The following CDK6 variants were observed in gnomAD, a reference collection of about 807,000 sequenced individuals.
CDK6 encodes cyclin-dependent kinase 6.
A neutral mutation model predicts 37.1 loss-of-function variants in CDK6; 6 were observed. The observed-to-expected ratio is 0.16, with a 90% CI of 0.09 to 0.32. CDK6 has a LOEUF of 0.32. CDK6 is among the 10% of genes least tolerant of loss of function. The pLI, the probability that CDK6 is intolerant of heterozygous loss-of-function variation, is 1.00. For missense variants in CDK6, 224 were observed against 418.9 expected, an observed-to-expected ratio of 0.53 and a Z score of 4.06; for synonymous variants, 160 against 161.3, an observed-to-expected ratio of 0.99 and a Z score of 0.06.
chr7:92,633,611 TAACA>T (rs1456137649), intron 5 of CDK6, among the ~76,000 whole-genome samples: 1 of 149,388 alleles, frequency 6.7e-6, no homozygotes, highest in African/African-American at 2.5e-5. Flanking sequence ...TAAAGCTGGT[TAACA>T]AAGCTAGCCT....
chr7:92,759,338 G>T (rs1427722929), intron 3 of CDK6, among the ~76,000 whole-genome samples: 1 of 152,100 alleles, frequency 6.6e-6, no homozygotes, highest in Non-Finnish European at 1.5e-5. Context: ...AGTGGTTTCT[G>T]TCTTAGTGAA....
intron 4 of CDK6, among the ~76,000 whole-genome samples, chr7:92,677,174 T>C (rs1258210823): frequency 2.0e-5 from 3 of 152,238 alleles, no homozygotes; most frequent in Non-Finnish European, 4.4e-5. Flanking sequence ...TATTTTAAAC[T>C]ATCAACATCT....
At chr7:92,696,175 G>GAA (rs1797714181) in intron 4 of CDK6, among the ~76,000 whole-genome samples, 2 of 152,342 alleles carry the variant, frequency 1.3e-5, no homozygotes, top group South Asian at 4.1e-4. Flanking sequence ...AATTTATGCA[G>GAA]AAATGCTCTT....
intron 4 of CDK6, among the ~76,000 whole-genome samples, chr7:92,721,382 G>T (rs749151151): frequency 1.3e-5 from 2 of 152,154 alleles, no homozygotes; most frequent in Non-Finnish European, 2.9e-5. Context: ...ACCCTGGGTT[G>T]TGTGCTCCAT....
intron 3 of CDK6, among the ~76,000 whole-genome samples, chr7:92,757,529 C>T (rs1462975047): frequency 6.6e-6 from 1 of 152,020 alleles, no homozygotes; most frequent in African/African-American, 2.4e-5. Context: ...GTATATGTAC[C>T]ACATTTTCTT....
intron 5 of CDK6, among the ~76,000 whole-genome samples, chr7:92,659,963 A>G (rs1796799948): frequency 6.6e-6 from 1 of 152,184 alleles, no homozygotes; most frequent in South Asian, 2.1e-4. Context: ...AAGGGCCGAG[A>G]AATCTCTGGA....
chr7:92,710,818 C>T (rs1033777434), intron 4 of CDK6: 6 of 985,250 alleles, frequency 6.1e-6, no homozygotes, highest in African/African-American at 3.5e-5. Flanking sequence ...AGAGGAGACC[C>T]GGGCAGACGG....
At chr7:92,827,691 C>T (rs1398777154) in intron 2 of CDK6, among the ~76,000 whole-genome samples, 2 of 152,156 alleles carry the variant, frequency 1.3e-5, no homozygotes, top group African/African-American at 4.8e-5. Flanking sequence ...GTTTTCAGTG[C>T]TGCCTCCTGG....
chr7:92,728,544 TTAG>T (rs1454180939), intron 3 of CDK6, among the ~76,000 whole-genome samples: 1 of 152,210 alleles, frequency 6.6e-6, no homozygotes, highest in East Asian at 1.9e-4. Flanking sequence ...TTATTCAGTT[TTAG>T]TTGTGTTACT....
In CDK6 at chr7:92,613,017, A is replaced by G. The variant is rs1795596556; in HGVS notation, c.*2123T>C. ...GCTGTGGATTCATTATATCTCAAGC[A>G]TTTATAGTACTGACAACACCTAATC... is the stretch of plus-strand genomic sequence containing the variant. On this transcript the variant is annotated 3_prime_UTR_variant, in exon 8 of 8. Coordinates refer to ENST00000424848, the MANE Select transcript of CDK6 (RefSeq NM_001145306.2). The G allele has an allele frequency of 4.3e-6, 1 of 233,154 alleles. No individual in the cohort carries two copies. The highest frequency in any genetic ancestry group is 6.1e-5 in the East Asian group (1 of 16,528). The allele number at this position is 233,154 out of a possible 1,614,324, so 14.4% of individuals were successfully genotyped here. A position where few individuals can be genotyped will look rare whatever the true frequency, so the allele number is the denominator to read the frequency against.
At chr7:92,718,658 G>T (rs1205315481) in intron 4 of CDK6, among the ~76,000 whole-genome samples, 2 of 152,132 alleles carry the variant, frequency 1.3e-5, no homozygotes, top group African/African-American at 4.8e-5. Context: ...ATCCAGGCGC[G>T]TTCAACAGGA....
intron 2 of CDK6, among the ~76,000 whole-genome samples, chr7:92,787,632 G>A (rs547909442): frequency 6.6e-6 from 1 of 152,202 alleles, no homozygotes; most frequent in South Asian, 2.1e-4. Flanking sequence ...CCGCATTAAA[G>A]TATGTGCTTT....
intron 3 of CDK6, among the ~76,000 whole-genome samples, chr7:92,773,565 AC>A (rs1231542327): frequency 6.6e-6 from 1 of 152,202 alleles, no homozygotes; most frequent in African/African-American, 2.4e-5. Context: ...GGGTGCACAG[AC>A]AGAAGATGGC....
Position 92,833,767 on chromosome 7 carries a change from T to G in CDK6, c.-367-77A>C. On this transcript the variant is annotated intron_variant, in intron 1 of 7. Coordinates refer to ENST00000424848, the MANE Select transcript of CDK6 (RefSeq NM_001145306.2). The surrounding 1 kb of genome is among the most constrained non-coding windows in gnomAD (Gnocchi z 6.1). ...AGCCTTCCTCGGGGTTCCTCCAGACTCCCCTCCTCCTCCTTTACGAAGCCT... is the reference window on the plus strand; with the variant it reads ...AGCCTTCCTCGGGGTTCCTCCAGACGCCCCTCCTCCTCCTTTACGAAGCCT... 2.5e-6 allele frequency: 1 copy of G among 406,070 alleles called. No homozygotes were observed. Among genetic ancestry groups the G allele is most frequent in the Non-Finnish European group, 4.3e-6 (1 of 231,450 alleles). 25.2% of individuals were successfully genotyped at this position (406,070 alleles called of 1,614,324 possible).
At chr7:92,781,844 G>T (rs2115818682) in intron 2 of CDK6, among the ~76,000 whole-genome samples, 1 of 152,260 alleles carries the variant, frequency 6.6e-6, no homozygotes. Context: ...CTCCTCTTAA[G>T]TGCATGAAGC....
chr7:92,656,255 G>T (rs1018440379), intron 5 of CDK6, among the ~76,000 whole-genome samples: 3 of 152,118 alleles, frequency 2.0e-5, no homozygotes, highest in Non-Finnish European at 4.4e-5. Context: ...CAAGTGCTGG[G>T]TCTTATCAGA....
At chr7:92,786,631 G>A (rs993638041) in intron 2 of CDK6, among the ~76,000 whole-genome samples, 2 of 137,120 alleles carry the variant, frequency 1.5e-5, no homozygotes, top group African/African-American at 3.0e-5. Flanking sequence ...GTGTGTGTGT[G>A]TATACATATA....
At chr7:92,790,412 C>T (rs1800252917) in intron 2 of CDK6, among the ~76,000 whole-genome samples, 1 of 152,174 alleles carries the variant, frequency 6.6e-6, no homozygotes, top group African/African-American at 2.4e-5. Context: ...TCATCCCCTA[C>T]TCTGGTCAGT....
intron 4 of CDK6, among the ~76,000 whole-genome samples, chr7:92,684,612 C>T (rs1797408076): frequency 6.6e-6 from 1 of 152,188 alleles, no homozygotes; most frequent in Non-Finnish European, 1.5e-5. Flanking sequence ...CTAACATTTT[C>T]TCCTTTTGTA....
Sources: allele counts gnomAD v4.1 joint callset (sites outside exome capture counted in the v4.1 genomes callset), GRCh38; gene constraint gnomAD v4.1.1; non-coding constraint Gnocchi (gnomAD v3.1); transcripts MANE v1.5; gene names NCBI Gene and HGNC (gene_info 2026-07-23, HGNC 2026-07-21).